BTF3L4: variants seen among roughly 807,000 people sequenced by gnomAD.
The protein encoded by BTF3L4 is basic transcription factor 3 like 4, also known as transcription factor BTF3 homolog 4.
Under a neutral mutation model 16.8 loss-of-function variants are expected in BTF3L4, and 6 were observed. The observed-to-expected ratio is 0.36, with a 90% CI of 0.20 to 0.71. BTF3L4 has a LOEUF of 0.71. Ranked by LOEUF, BTF3L4 falls within the 30% of genes least tolerant of loss-of-function variation. The probability of loss-of-function intolerance (pLI) is 0.58; values close to 1 mark genes in which losing one functional copy is unlikely to be tolerated. For missense variants in BTF3L4, 92 were observed against 186.9 expected (o/e 0.49, Z 2.96); for synonymous variants, 39 against 59.8 (o/e 0.65, Z 1.60).
Position 52,073,073 on chromosome 1 carries a change from T to A in BTF3L4, c.168+8135T>A, listed in dbSNP as rs184510971. On this transcript the variant is annotated intron_variant, in intron 3 of 5. Coordinates refer to ENST00000313334, the MANE Select transcript of BTF3L4 (RefSeq NM_152265.5). ...ACTCTGTCTCAAAAAAAGAAAAAAA[T>A]TGGCTGGGCGTGGTGGTGCACGCCT... 7.7e-3 allele frequency among the ~76,000 whole-genome samples: 1,156 copies of A among 150,830 alleles called. 17 individuals carry two copies. Among genetic ancestry groups the A allele is most frequent in the African/African-American group, 0.026 (1,085 of 40,948 alleles).
chr1:52,068,364 C>T (rs1261226732), intron 3 of BTF3L4, among the ~76,000 whole-genome samples: 1 of 152,164 alleles, frequency 6.6e-6, no homozygotes, highest in Non-Finnish European at 1.5e-5. Context: ...TCTGCATGGC[C>T]TCTGTCTTTT....
chr1:52,061,907 G>C (rs1254530732), intron 2 of BTF3L4, among the ~76,000 whole-genome samples: 1 of 151,156 alleles, frequency 6.6e-6, no homozygotes, highest in Non-Finnish European at 1.5e-5. Context: ...CTCCCAAAGT[G>C]CTGGGATTAC....
rs901480413 is a variant in BTF3L4 at position 52,090,502 on chromosome 1, C to T, written c.*3744C>T. On this transcript the variant is annotated 3_prime_UTR_variant, in exon 6 of 6. Coordinates refer to ENST00000313334, the MANE Select transcript of BTF3L4 (RefSeq NM_152265.5). ...TAGTTTTGTTTATGATCCACTCTCT[C>T]CAGCCCATTACACAGGAGCCAGCTA... The T allele has an allele frequency of 4.6e-5, 7 of 152,168 alleles. No homozygotes were observed. The highest frequency in any genetic ancestry group is 1.7e-4 in the African/African-American group (7 of 41,440). The allele number at this position is 152,168 out of a possible 1,614,324, so 9.4% of individuals were successfully genotyped here.
chr1:52,060,232 G>A (rs746479740), intron 2 of BTF3L4, among the ~76,000 whole-genome samples: 19 of 152,062 alleles, frequency 1.2e-4, no homozygotes, highest in Non-Finnish European at 2.6e-4. Flanking sequence ...AAAGATTAGG[G>A]TAATATTTAT....
At chr1:52,059,650 T>TA (rs1253014011) in intron 1 of BTF3L4, among the ~76,000 whole-genome samples, 185 bp from the exon 2 acceptor site, 3 of 152,226 alleles carry the variant, frequency 2.0e-5, no homozygotes, top group Admixed American at 6.5e-5. Context: ...TTTTGATTTT[T>TA]AAAAATATCT....
intron 1 of BTF3L4, among the ~76,000 whole-genome samples, chr1:52,059,082 C>A (rs970007514): frequency 2.0e-5 from 3 of 151,936 alleles, no homozygotes; most frequent in African/African-American, 7.3e-5. Flanking sequence ...CTGCCCCCCC[C>A]CAACATTTAT....
At chr1:52,066,856 A>T (rs1686664871) in intron 3 of BTF3L4, among the ~76,000 whole-genome samples, 1 of 151,950 alleles carries the variant, frequency 6.6e-6, no homozygotes. Context: ...AAAAAAAAAA[A>T]TTTAATCATT....
intron 3 of BTF3L4, among the ~76,000 whole-genome samples, chr1:52,081,308 A>G (rs1437882339): frequency 6.6e-6 from 1 of 151,356 alleles, no homozygotes; most frequent in Non-Finnish European, 1.5e-5. Flanking sequence ...CTATTTTTGT[A>G]TTTTTAGTAG....
intron 3 of BTF3L4, among the ~76,000 whole-genome samples, chr1:52,066,410 C>G (rs930501642): frequency 6.6e-6 from 1 of 151,154 alleles, no homozygotes; most frequent in Non-Finnish European, 1.5e-5. Flanking sequence ...CTGTGTTGGC[C>G]AGGCTGGTTT....
chr1:52,084,980 A>C (rs960555666), intron 4 of BTF3L4, among the ~76,000 whole-genome samples: 8 of 148,090 alleles, frequency 5.4e-5, no homozygotes, highest in Non-Finnish European at 1.2e-4. Flanking sequence ...ACCTAGCTAG[A>C]TACTTTCTTA....
At chr1:52,074,554 G>T (rs1686881409) in intron 3 of BTF3L4, among the ~76,000 whole-genome samples, 1 of 152,064 alleles carries the variant, frequency 6.6e-6, no homozygotes, top group Admixed American at 6.6e-5. Context: ...GTAGAGACGG[G>T]TTTCTCCATG....
chr1:52,077,703 C>G (rs1398618533), intron 3 of BTF3L4, among the ~76,000 whole-genome samples: 1 of 152,138 alleles, frequency 6.6e-6, no homozygotes, highest in Non-Finnish European at 1.5e-5. Flanking sequence ...TTTTGTGAGC[C>G]TCCTCTAGCC....
intron 2 of BTF3L4, chr1:52,060,730 G>C: frequency 1.7e-6 from 1 of 604,526 alleles, no homozygotes; most frequent in South Asian, 6.0e-5. Flanking sequence ...ACAGTTCCTG[G>C]GGATGAGCAC....
chr1:52,056,619 T>C (rs554969093), intron 1 of BTF3L4, among the ~76,000 whole-genome samples: 1 of 152,356 alleles, frequency 6.6e-6, no homozygotes, highest in African/African-American at 2.4e-5. Flanking sequence ...GCCCGCCCTG[T>C]TGCCGCCCAG....
intron 3 of BTF3L4, among the ~76,000 whole-genome samples, chr1:52,073,493 T>TAC (rs142147737): frequency 0.35 from 48,981 of 139,070 alleles, 8,982 homozygotes; most frequent in Non-Finnish European, 0.42. Flanking sequence ...ATATGCTACA[T>TAC]ACACACACAC....
chr1:52,066,022 AGT>A (rs1686638771), intron 3 of BTF3L4, among the ~76,000 whole-genome samples: 1 of 152,066 alleles, frequency 6.6e-6, no homozygotes, highest in South Asian at 2.1e-4. Flanking sequence ...TGGGTGACAG[AGT>A]GAGCATCCGT....
chr1:52,085,309 G>A (rs991382699), intron 4 of BTF3L4, among the ~76,000 whole-genome samples: 2 of 130,444 alleles, frequency 1.5e-5, no homozygotes, highest in African/African-American at 5.8e-5. Context: ...ATGAGCCACT[G>A]TGCCCAGCTT....
chr1:52,076,685 G>T (rs1344106836), intron 3 of BTF3L4, among the ~76,000 whole-genome samples: 1 of 152,142 alleles, frequency 6.6e-6, no homozygotes, highest in African/African-American at 2.4e-5. Flanking sequence ...TAATGATAGC[G>T]TAAGCTTTAG....
In BTF3L4 at chr1:52,088,684, G is replaced by A. The variant is rs1410224516; in HGVS notation, c.*1926G>A. Reference sequence around the variant, plus strand: ...GAAAACACACACTTGGAAGCCAGGAGACTTGTGTCCTAGTCAAAACTCTGG... The same window carrying A: ...GAAAACACACACTTGGAAGCCAGGAAACTTGTGTCCTAGTCAAAACTCTGG... On this transcript the variant is annotated 3_prime_UTR_variant, in exon 6 of 6. Transcript: ENST00000313334. 1 of 152,208 alleles carries A rather than the reference G, an allele frequency of 6.6e-6. No individual in the cohort carries two copies. The highest frequency in any genetic ancestry group is 1.9e-4 in the East Asian group (1 of 5,188). The allele number at this position is 152,208 out of a possible 1,614,324, so 9.4% of individuals were successfully genotyped here.
Sources: allele counts gnomAD v4.1 joint callset (sites outside exome capture counted in the v4.1 genomes callset), GRCh38; gene constraint gnomAD v4.1.1; transcripts MANE v1.5; gene names NCBI Gene and HGNC (gene_info 2026-07-23, HGNC 2026-07-21).